Variants in PI4K2A observed in about 807,000 individuals in gnomAD.
The protein encoded by PI4K2A is phosphatidylinositol 4-kinase type 2-alpha.
Under a neutral mutation model 55.0 loss-of-function variants are expected in PI4K2A, and 20 were observed. The observed-to-expected ratio is 0.36, with a 90% CI of 0.26 to 0.53. The LOEUF (loss-of-function observed/expected upper bound fraction) is 0.53, where lower values mean the gene tolerates loss of function less well. Among genes scored for constraint, PI4K2A ranks in the 20% least tolerant of loss-of-function variants. The probability of loss-of-function intolerance (pLI) is 0.91; values close to 1 mark genes in which losing one functional copy is unlikely to be tolerated. For missense variants in PI4K2A, 463 were observed against 637.1 expected (o/e 0.73, Z 2.94); for synonymous variants, 235 against 258.5 (o/e 0.91, Z 0.87).
intron 1 of PI4K2A, among the ~76,000 whole-genome samples, chr10:97,648,729 C>T (rs191504675): frequency 2.0e-5 from 3 of 152,222 alleles, no homozygotes; most frequent in East Asian, 1.9e-4. Context: ...ACAGTGGACT[C>T]GTCAGTCATT....
chr10:97,658,608 C>T (rs2041566929), intron 4 of PI4K2A, among the ~76,000 whole-genome samples: 1 of 152,124 alleles, frequency 6.6e-6, no homozygotes, highest in Non-Finnish European at 1.5e-5. Flanking sequence ...TTTTGAGGAA[C>T]CACCATACTG....
chr10:97,646,228 T>A (rs1307924600), intron 1 of PI4K2A, among the ~76,000 whole-genome samples: 1 of 151,712 alleles, frequency 6.6e-6, no homozygotes, highest in East Asian at 1.9e-4. Flanking sequence ...AATTTTTTTT[T>A]TTTTTTTTGA....
intron 1 of PI4K2A, among the ~76,000 whole-genome samples, chr10:97,643,021 C>T (rs1465229108): frequency 6.6e-6 from 1 of 150,534 alleles, no homozygotes; most frequent in East Asian, 2.0e-4. Flanking sequence ...GAAGGTCTCA[C>T]TCTGACACCC....
At chr10:97,670,061 C>T (rs2041627924) in intron 8 of PI4K2A, among the ~76,000 whole-genome samples, 1 of 152,050 alleles carries the variant, frequency 6.6e-6, no homozygotes, top group African/African-American at 2.4e-5. Context: ...CATGCACCAC[C>T]ATTTCTGGGT....
intron 1 of PI4K2A, among the ~76,000 whole-genome samples, chr10:97,646,799 G>T (rs932327092): frequency 5.3e-5 from 8 of 151,992 alleles, no homozygotes; most frequent in Admixed American, 3.9e-4. Flanking sequence ...TTTGAGAGGG[G>T]GGTCTAGCTC....
At chr10:97,653,242 G>C (rs2041537802) in intron 2 of PI4K2A, among the ~76,000 whole-genome samples, 1 of 152,210 alleles carries the variant, frequency 6.6e-6, no homozygotes, top group African/African-American at 2.4e-5. Flanking sequence ...GGTGCTTCTG[G>C]AGTGTGGTGC....
chr10:97,651,988 C>CT (rs1477595364), intron 2 of PI4K2A, among the ~76,000 whole-genome samples: 1 of 152,144 alleles, frequency 6.6e-6, no homozygotes, highest in Non-Finnish European at 1.5e-5. Context: ...AGGTGGGACT[C>CT]TCATCTGATG....
At chr10:97,673,637 G>A in exon 9 of PI4K2A, 1 of 1,614,098 alleles carries the variant, frequency 6.2e-7, no homozygotes, top group South Asian at 1.1e-5. Flanking sequence ...ACCTCGTCCA[G>A]ATGCCACCTG....
chr10:97,660,705 A>AT (rs2041578370), intron 4 of PI4K2A, among the ~76,000 whole-genome samples: 1 of 151,416 alleles, frequency 6.6e-6, no homozygotes, highest in Non-Finnish European at 1.5e-5. Context: ...ATATACTGAA[A>AT]TTTTTTTTAT....
At chr10:97,642,828 TTCCTTC>T (rs2041478652) in intron 1 of PI4K2A, among the ~76,000 whole-genome samples, 2 of 4,810 alleles carry the variant, frequency 4.2e-4, no homozygotes, top group African/African-American at 3.2e-4. Flanking sequence ...CCTTCCTTCC[TTCCTTC>T]CTTCCTTCCT....
Position 97,666,577 on chromosome 10 carries a change from C to CCTCAG in PI4K2A, c.1218+7_1218+8insTCAGC. 1 of 1,604,742 alleles carries CCTCAG rather than the reference C, an allele frequency of 6.2e-7. No homozygotes were observed. The highest frequency in any genetic ancestry group is 2.2e-5 in the East Asian group (1 of 44,754). ...ACCTATATGAACTCTTCAAGGTTAG[C>CCTCAG]CCTGGGAACCTCAGCCCTATTATCA... On this transcript the variant is annotated splice_region_variant and intron_variant, in intron 7 of 8. Coordinates refer to ENST00000370631, the Ensembl canonical transcript of PI4K2A.
intron 1 of PI4K2A, among the ~76,000 whole-genome samples, chr10:97,650,278 C>CTTTTTTTTTTTTTTTTTTTT (rs71007356): frequency 9.2e-6 from 1 of 108,114 alleles, no homozygotes; most frequent in Non-Finnish European, 1.8e-5. Context: ...GCTTCTGTAC[C>CTTTTTTTTTTTTTTTTTTTT]TTTTTTTTTT....
chr10:97,673,513 TCTC>T (rs1216131480), intron 8 of PI4K2A, 65 bp from the exon 9 acceptor site: 1 of 1,363,084 alleles, frequency 7.3e-7, no homozygotes, highest in Non-Finnish European at 1.0e-6. Flanking sequence ...TCTCTACTGA[TCTC>T]CTTTCAGAGG....
chr10:97,667,034 C>A (rs565205732), intron 7 of PI4K2A, 27 bp from the exon 8 acceptor site: 1 of 1,597,138 alleles, frequency 6.3e-7, no homozygotes, highest in East Asian at 2.2e-5. Context: ...CACACAGGTT[C>A]CATCTCCTTC....
At chr10:97,664,295 G>A (rs2041600115) in intron 5 of PI4K2A, among the ~76,000 whole-genome samples, 3 of 152,200 alleles carry the variant, frequency 2.0e-5, no homozygotes, top group Admixed American at 2.0e-4. Context: ...CACATAGTCA[G>A]TGATTGTCTC....
chr10:97,660,653 T>C (rs996006696), intron 4 of PI4K2A, among the ~76,000 whole-genome samples: 2 of 151,948 alleles, frequency 1.3e-5, no homozygotes, highest in Non-Finnish European at 2.9e-5. Context: ...AGTTTAGTTG[T>C]ATCTTACAAG....
At chr10:97,670,962 A>AC (rs1485670252) in intron 8 of PI4K2A, among the ~76,000 whole-genome samples, 1 of 151,904 alleles carries the variant, frequency 6.6e-6, no homozygotes, top group Non-Finnish European at 1.5e-5. Flanking sequence ...GCATGGAGAA[A>AC]CCCCATCTCT....
chr10:97,656,860 G>A lies in PI4K2A; in HGVS notation c.808G>A (p.Ala270Thr). Residue 270 changes from alanine (A) to threonine (T), a missense_variant, in exon 4 of 9, where the codon GCA becomes ACA. Coordinates refer to ENST00000370631, the Ensembl canonical transcript of PI4K2A. The surrounding 1 kb of genome is among the most constrained non-coding windows in gnomAD (Gnocchi z 4.5). ...GCTCTTTGTTGAAGGCTACAAAGAT[G>A]CAGACTATTGGCTGCGGCGTTTTGA... is the stretch of plus-strand genomic sequence containing the variant. The A allele has an allele frequency of 1.2e-6, 2 of 1,614,174 alleles. No individual in the cohort carries two copies. The highest frequency in any genetic ancestry group is 1.7e-6 in the Non-Finnish European group (2 of 1,180,010).
At chr10:97,650,798 A>T in intron 1 of PI4K2A, 143 bp from the exon 2 acceptor site, 1 of 636,858 alleles carries the variant, frequency 1.6e-6, no homozygotes, top group Non-Finnish European at 2.8e-6. Context: ...TCCCCTTACC[A>T]ACTGGGAGAA....
Sources: allele counts gnomAD v4.1 joint callset (sites outside exome capture counted in the v4.1 genomes callset), GRCh38; gene constraint gnomAD v4.1.1; non-coding constraint Gnocchi (gnomAD v3.1); transcripts MANE v1.5; gene names NCBI Gene and HGNC (gene_info 2026-07-23, HGNC 2026-07-21).